The following MDGA2 variants were observed in gnomAD, a reference collection of about 807,000 sequenced individuals.
MDGA2 encodes the protein MAM domain-containing glycosylphosphatidylinositol anchor protein 2.
In MDGA2, 40 loss-of-function variants were observed where a neutral mutation model predicts 117.8. The ratio of observed to expected loss-of-function variants is 0.34; its 90% CI spans 0.26 to 0.44. The LOEUF (loss-of-function observed/expected upper bound fraction) is 0.44. Among genes scored for constraint, MDGA2 ranks in the 20% least tolerant of loss-of-function variants. MDGA2 has a pLI of 1.00. For missense variants in MDGA2, 1,123 were observed against 1,250.6 expected, an observed-to-expected ratio of 0.90 and a Z score of 1.54; for synonymous variants, 452 against 439.0, an observed-to-expected ratio of 1.03 and a Z score of -0.37.
At chr14:47,030,529 A>G (rs1463769711) in intron 8 of MDGA2, among the ~76,000 whole-genome samples, 1 of 152,064 alleles carries the variant, frequency 6.6e-6, no homozygotes, top group Non-Finnish European at 1.5e-5. Context: ...AAAAAAAGAG[A>G]AAAAAGAAAG....
At chr14:47,312,251 TATGTGGCAATGTGGCATGGTACTTCCC>T (rs1303197630) in intron 1 of MDGA2, among the ~76,000 whole-genome samples, 4 of 152,126 alleles carry the variant, frequency 2.6e-5, no homozygotes, top group Non-Finnish European at 5.9e-5. Flanking sequence ...GTGATTCACA[TATGTGGCAATGTGGCATGGTACTTCCC>T]AGGAACCTTC....
At chr14:47,343,359 A>C (rs1890690677) in intron 1 of MDGA2, 1 of 724,660 alleles carries the variant, frequency 1.4e-6, no homozygotes, top group South Asian at 5.5e-5. Context: ...TCAAAGGAGG[A>C]CAGAAAGTGG....
intron 1 of MDGA2, among the ~76,000 whole-genome samples, chr14:47,406,992 A>G (rs569616193): frequency 1.3e-5 from 2 of 152,042 alleles, no homozygotes; most frequent in Admixed American, 1.3e-4. Flanking sequence ...TATTGTGAAT[A>G]TTTTCTCATT....
At chr14:47,421,133 G>A (rs1342125108) in intron 1 of MDGA2, among the ~76,000 whole-genome samples, 1 of 151,952 alleles carries the variant, frequency 6.6e-6, no homozygotes, top group Non-Finnish European at 1.5e-5. Context: ...ATATAATCTA[G>A]GAACCTACTC....
chr14:47,632,995 A>G (rs927352215), intron 1 of MDGA2, among the ~76,000 whole-genome samples: 4 of 152,192 alleles, frequency 2.6e-5, no homozygotes, highest in South Asian at 2.1e-4. Context: ...GTTATCTCAT[A>G]TAACTATATA....
chr14:46,963,126 T>C (rs148661705), intron 8 of MDGA2, among the ~76,000 whole-genome samples: 2 of 152,324 alleles, frequency 1.3e-5, no homozygotes, highest in Non-Finnish European at 2.9e-5. Flanking sequence ...TGTGAATTGA[T>C]GGTTAAACTG....
chr14:46,853,019 G>T (rs1307594302), intron 15 of MDGA2, among the ~76,000 whole-genome samples: 1 of 151,692 alleles, frequency 6.6e-6, no homozygotes, highest in Non-Finnish European at 1.5e-5. Flanking sequence ...AGCCAACCAA[G>T]AACTTATACA....
intron 1 of MDGA2, among the ~76,000 whole-genome samples, chr14:47,351,727 A>T (rs1890886097): frequency 6.6e-6 from 1 of 152,214 alleles, no homozygotes. Flanking sequence ...TTTAATTATT[A>T]TGATTTGCTA....
At chr14:47,394,170 A>G (rs1028038165) in intron 1 of MDGA2, among the ~76,000 whole-genome samples, 5 of 152,152 alleles carry the variant, frequency 3.3e-5, no homozygotes, top group Admixed American at 3.3e-4. Context: ...AGCATGTGGC[A>G]TTCCTTTAAT....
At chr14:47,599,196 T>C (rs560510833) in intron 1 of MDGA2, among the ~76,000 whole-genome samples, 76 of 152,218 alleles carry the variant, frequency 5.0e-4, no homozygotes, top group African/African-American at 1.5e-3. Flanking sequence ...ATTCTGTAAT[T>C]GAGTCAATGA....
At chr14:47,424,232 G>A (rs1446897793) in intron 1 of MDGA2, among the ~76,000 whole-genome samples, 1 of 152,072 alleles carries the variant, frequency 6.6e-6, no homozygotes, top group Non-Finnish European at 1.5e-5. Context: ...ACCAGTCTGG[G>A]TAACATGGAG....
intron 3 of MDGA2, among the ~76,000 whole-genome samples, chr14:47,174,612 C>A (rs937449040): frequency 3.9e-5 from 6 of 152,070 alleles, no homozygotes; most frequent in Non-Finnish European, 5.9e-5. Context: ...AGAACAAAGA[C>A]ACAACATACC....
intron 2 of MDGA2, among the ~76,000 whole-genome samples, chr14:47,233,082 G>A (rs1001406728): frequency 6.6e-6 from 1 of 152,090 alleles, no homozygotes; most frequent in African/African-American, 2.4e-5. Context: ...AATTATCAGT[G>A]TACTTACACT....
chr14:47,245,697 G>A lies in MDGA2; in HGVS notation c.421-27502C>T, dbSNP rs551757870. On this transcript the variant is annotated intron_variant, in intron 2 of 16. Coordinates refer to ENST00000399232, the MANE Select transcript of MDGA2 (RefSeq NM_001113498.3). The stretch of plus-strand genomic sequence containing the variant: ...TAGGTACATAGTGGTAGTATTTTTT[G>A]TAAACATACAAGATTTTAAATTTAT... Among the ~76,000 whole-genome samples the A allele has an allele frequency of 3.5e-3, 538 of 151,790 alleles. 12 individuals are homozygous for A. Among genetic ancestry groups the A allele is most frequent in the Non-Finnish European group, 5.2e-3 (352 of 67,778 alleles).
rs994842033 is a variant in MDGA2 at position 46,993,081 on chromosome 14, C to A, written c.1820-35438G>T. ...ATAGTTATCCTTAAAAAAAAAAATT[C>A]TTCTCATACACTAGGAAAGTAACCT... On this transcript the variant is annotated intron_variant, in intron 8 of 16. Coordinates refer to ENST00000399232, the MANE Select transcript of MDGA2 (RefSeq NM_001113498.3). Among the ~76,000 whole-genome samples, 41 of 151,656 alleles carry A rather than the reference C, an allele frequency of 2.7e-4. No individual in the cohort carries two copies. In the East Asian group the frequency reaches 6.2e-3, roughly 23 times the overall value.
intron 7 of MDGA2, among the ~76,000 whole-genome samples, chr14:47,045,527 TC>T (rs1232457932): frequency 2.6e-5 from 4 of 152,060 alleles, no homozygotes; most frequent in African/African-American, 7.3e-5. Context: ...ACTTTTTTTT[TC>T]TGAAACAACT....
rs562354181 is a variant in MDGA2 at position 46,920,966 on chromosome 14, A to AC, written c.2090-807_2090-806insG. ...GAAATGTGAATTACGTATAGTGTAT[A>AC]TACCACATACAAACCATCTCAGTTT... On this transcript the variant is annotated intron_variant, in intron 9 of 16. Coordinates refer to ENST00000399232, the MANE Select transcript of MDGA2 (RefSeq NM_001113498.3). Among the ~76,000 whole-genome samples, 43 of 152,336 alleles carry AC rather than the reference A, an allele frequency of 2.8e-4. No individual in the cohort carries two copies. The East Asian group carries it at 7.7e-3, about 27-fold the overall frequency.
intron 9 of MDGA2, among the ~76,000 whole-genome samples, chr14:46,947,996 C>T (rs1032153024): frequency 6.6e-6 from 1 of 151,874 alleles, no homozygotes; most frequent in African/African-American, 2.4e-5. Context: ...GGGAGAGTTC[C>T]TCTATGACAT....
chr14:46,843,720 G>T (rs1400513934), intron 16 of MDGA2, among the ~76,000 whole-genome samples: 2 of 152,002 alleles, frequency 1.3e-5, no homozygotes, highest in East Asian at 3.9e-4. Context: ...GTAATCAGTG[G>T]ACAATTGTAC....
Sources: allele counts gnomAD v4.1 joint callset (sites outside exome capture counted in the v4.1 genomes callset), GRCh38; gene constraint gnomAD v4.1.1; transcripts MANE v1.5; gene names NCBI Gene and HGNC (gene_info 2026-07-23, HGNC 2026-07-21).